Variants in PTPN12 observed in about 807,000 individuals in gnomAD.
The protein encoded by PTPN12 is protein tyrosine phosphatase non-receptor type 12.
Under a neutral mutation model 97.6 loss-of-function variants are expected in PTPN12, and 29 were observed. The ratio of observed to expected loss-of-function variants is 0.30; its 90% CI spans 0.22 to 0.41. The LOEUF is 0.41. Ranked by LOEUF, PTPN12 falls within the 10% of genes least tolerant of loss-of-function variation. The probability of loss-of-function intolerance (pLI) is 1.00; values close to 1 mark genes in which losing one functional copy is unlikely to be tolerated. For missense variants in PTPN12, 819 were observed against 926.0 expected (o/e 0.88, Z 1.50); for synonymous variants, 327 against 300.4 (o/e 1.09, Z -0.91).
At chr7:77,552,674 A>G (rs574262526) in intron 1 of PTPN12, among the ~76,000 whole-genome samples, 3 of 152,324 alleles carry the variant, frequency 2.0e-5, no homozygotes, top group Admixed American at 2.0e-4. Flanking sequence ...AAAAGTAAAA[A>G]TAGGCAGGGA....
At chr7:77,566,888 G>C (rs969676351) in intron 1 of PTPN12, among the ~76,000 whole-genome samples, 1 of 151,848 alleles carries the variant, frequency 6.6e-6, no homozygotes, top group Admixed American at 6.6e-5. Flanking sequence ...TACAGTAAAT[G>C]ATTAAAAATT....
intron 1 of PTPN12, among the ~76,000 whole-genome samples, chr7:77,539,813 C>T (rs942270142): frequency 6.6e-6 from 1 of 151,656 alleles, no homozygotes; most frequent in African/African-American, 2.4e-5. Context: ...CCGAAGTAGC[C>T]GGGACTACAG....
chr7:77,636,000 G>A (rs1335134044), intron 15 of PTPN12, 151 bp downstream of exon 15: 3 of 518,568 alleles, frequency 5.8e-6, no homozygotes, highest in East Asian at 3.4e-5. Flanking sequence ...GATTTCAGAT[G>A]AAAAGCCCAT....
chr7:77,586,941 T>C (rs1787710437), intron 5 of PTPN12, among the ~76,000 whole-genome samples: 1 of 152,216 alleles, frequency 6.6e-6, no homozygotes, highest in Admixed American at 6.5e-5. Context: ...GGCAATTCAT[T>C]TCCATCTTCA....
chr7:77,551,717 T>C (rs1371143502), intron 1 of PTPN12, among the ~76,000 whole-genome samples: 3 of 152,218 alleles, frequency 2.0e-5, no homozygotes, highest in Non-Finnish European at 4.4e-5. Flanking sequence ...GCCATAAATT[T>C]GATGTTTTGT....
At chr7:77,620,369 CAG>C (rs760123066) in intron 12 of PTPN12, among the ~76,000 whole-genome samples, 1 of 152,068 alleles carries the variant, frequency 6.6e-6, no homozygotes, top group Non-Finnish European at 1.5e-5. Context: ...CAACTCAAGA[CAG>C]ATTTTTATTA....
At chr7:77,614,068 A>T (rs73147999) in intron 11 of PTPN12, among the ~76,000 whole-genome samples, 37,069 of 103,964 alleles carry the variant, frequency 0.36, 4,778 homozygotes, top group South Asian at 0.38. Context: ...TTAAAAAAAA[A>T]TTTTTTTTTG....
chr7:77,545,579 C>T (rs1277993601), intron 1 of PTPN12, among the ~76,000 whole-genome samples: 3 of 151,330 alleles, frequency 2.0e-5, no homozygotes, highest in African/African-American at 7.3e-5. Context: ...CTGATTTTTC[C>T]CTTCTCAGCT....
At chr7:77,613,483 C>T (rs1219731337) in intron 11 of PTPN12, among the ~76,000 whole-genome samples, 1 of 151,664 alleles carries the variant, frequency 6.6e-6, no homozygotes, top group East Asian at 2.0e-4. Flanking sequence ...CATCTTTAAA[C>T]TTTAATTGAA....
intron 1 of PTPN12, among the ~76,000 whole-genome samples, chr7:77,544,899 T>C (rs1807142517): frequency 6.6e-6 from 1 of 152,258 alleles, no homozygotes; most frequent in African/African-American, 2.4e-5. Flanking sequence ...GTTTGTCTTC[T>C]AGACGATCAT....
chr7:77,574,379 A>C (rs575436183), intron 2 of PTPN12, among the ~76,000 whole-genome samples: 1 of 152,354 alleles, frequency 6.6e-6, no homozygotes, highest in South Asian at 2.1e-4. Flanking sequence ...CTCTGAGGTA[A>C]GTACTGTTAT....
At chr7:77,560,880 G>C (rs971519134) in intron 1 of PTPN12, among the ~76,000 whole-genome samples, 1 of 151,526 alleles carries the variant, frequency 6.6e-6, no homozygotes, top group Non-Finnish European at 1.5e-5. Flanking sequence ...ATATCTGTTC[G>C]AGACCCTGCT....
At position 77,574,769 on chromosome 7, in the gene PTPN12, TTTAAG is replaced by T. The variant is rs898037582; in HGVS notation, c.208+3587_208+3591del. ...ATCAGATTGACAGTGCCTTTTTTCC[TTTAAG>T]TTATTTAAAGTTTGATAAGTAGGTC... On this transcript the variant is annotated intron_variant, in intron 2 of 17. Transcript: ENST00000248594. Among the ~76,000 whole-genome samples, 17 of 152,338 alleles carry T rather than the reference TTTAAG, an allele frequency of 1.1e-4. 1 individual carries two copies. The highest frequency in any genetic ancestry group is 4.1e-4 in the African/African-American group (17 of 41,586).
At chr7:77,537,759 G>T in intron 1 of PTPN12, 114 bp downstream of exon 1, 2 of 1,161,062 alleles carry the variant, frequency 1.7e-6, no homozygotes, top group Non-Finnish European at 2.3e-6. Context: ...GGGCGGAGGG[G>T]GCGCGCACCA....
chr7:77,614,984 T>A (rs1341930072), intron 11 of PTPN12, among the ~76,000 whole-genome samples: 1 of 152,226 alleles, frequency 6.6e-6, no homozygotes, highest in Admixed American at 6.5e-5. Flanking sequence ...GAGATATTTA[T>A]AACTACAGTG....
At chr7:77,565,623 C>G (rs760589376) in intron 1 of PTPN12, among the ~76,000 whole-genome samples, 1 of 152,162 alleles carries the variant, frequency 6.6e-6, no homozygotes, top group South Asian at 2.1e-4. Context: ...AACTGTTCCA[C>G]TCTTTTAAGA....
chr7:77,572,096 G>A (rs1240752671), intron 2 of PTPN12, among the ~76,000 whole-genome samples: 4 of 109,022 alleles, frequency 3.7e-5, no homozygotes, highest in African/African-American at 1.3e-4. Flanking sequence ...AGTTCTTGGT[G>A]ACTTTTTTTT....
At chr7:77,609,724 T>C (rs1050312860) in intron 9 of PTPN12, among the ~76,000 whole-genome samples, 1 of 151,322 alleles carries the variant, frequency 6.6e-6, no homozygotes, top group African/African-American at 2.4e-5. Flanking sequence ...ACTAAAAATA[T>C]AAAAAAAATC....
At chr7:77,616,203 C>G (rs963049243) in intron 11 of PTPN12, among the ~76,000 whole-genome samples, 2 of 152,094 alleles carry the variant, frequency 1.3e-5, no homozygotes, top group African/African-American at 4.8e-5. Flanking sequence ...AAAATCTTAC[C>G]AATCCCTCAA....
Sources: gnomAD v4.1 joint callset for allele counts (sites outside exome capture counted in the v4.1 genomes callset) on GRCh38, gnomAD v4.1.1 for gene constraint, MANE v1.5 for transcripts, NCBI Gene and HGNC (gene_info 2026-07-23, HGNC 2026-07-21) for gene names.